Variants in ADNP2 observed in about 807,000 individuals in gnomAD.
ADNP2 encodes the protein ADNP homeobox 2.
A neutral mutation model predicts 16.4 loss-of-function variants in ADNP2; 8 were observed. The ratio of observed to expected loss-of-function variants is 0.49; its 90% CI spans 0.29 to 0.88. The LOEUF is 0.88. ADNP2 is among the 40% of genes least tolerant of loss of function. ADNP2 has a pLI of 0.09. For missense variants in ADNP2, 1,397 were observed against 1,395.1 expected, an observed-to-expected ratio of 1.00 and a Z score of -0.02; for synonymous variants, 637 against 545.8, an observed-to-expected ratio of 1.17 and a Z score of -2.33.
chr18:80,128,587 C>T (rs938178103), intron 2 of ADNP2, among the ~76,000 whole-genome samples: 2 of 152,094 alleles, frequency 1.3e-5, no homozygotes, highest in African/African-American at 2.4e-5. Context: ...GAGGTGGAGG[C>T]GGCAGTGAGC....
At position 80,135,807 on chromosome 18, in the gene ADNP2, C is replaced by T. The variant is rs771842203; in HGVS notation, c.394C>T (p.Arg132Trp). ...CTTCAGAATGTTCCATGCACCTGTC[C>T]GGAAAGTCCAGAACTACACAGTGAA... ...RHFRMFHAPV[R>W]KVQNYTVNIL... Residue 132 changes from arginine to tryptophan, a missense_variant, in exon 4 of 4, where the codon CGG (arginine) becomes TGG (tryptophan). By Grantham distance (101) the Arg-to-Trp change is moderately radical. Transcript: ENST00000262198. The T allele has an allele frequency of 1.9e-5, 30 of 1,613,976 alleles. No homozygotes were observed. The highest frequency in any genetic ancestry group is 7.7e-5 in the South Asian group (7 of 91,074).
chr18:80,136,151 G>C lies in ADNP2; in HGVS notation c.738G>C (p.Lys246Asn). The C allele has an allele frequency of 1.2e-6, 2 of 1,614,230 alleles. No individual in the cohort carries two copies. Among genetic ancestry groups the C allele is most frequent in the Non-Finnish European group, 1.7e-6 (2 of 1,180,030 alleles). ...TSDIHRDLEN[K>N]LRSVISEHIK... is the part of the protein sequence containing the mutation. The stretch of plus-strand genomic sequence containing the variant: ...ACATACACAGAGATTTGGAGAATAA[G>C]CTTAGATCTGTGATTTCAGAACATA... The change falls in exon 4 of 4, where the codon AAG becomes AAC. Residue 246 changes from lysine (K) to asparagine (N), a missense_variant. By Grantham distance (94) the Lys-to-Asn change is moderately conservative. This residue lies in a region of ADNP2 where 777 missense variants were observed against 719.4 expected (regional missense o/e 1.08). Coordinates refer to ENST00000262198, the MANE Select transcript of ADNP2 (RefSeq NM_014913.4).
At chr18:80,129,211 C>G (rs1015278907) in intron 2 of ADNP2, among the ~76,000 whole-genome samples, 2 of 148,582 alleles carry the variant, frequency 1.3e-5, no homozygotes, top group African/African-American at 5.0e-5. Flanking sequence ...TCAAGCAATT[C>G]TCCTGCCTCA....
Position 80,137,819 on chromosome 18 carries a change from TTA to T in ADNP2, c.2409_2410del (p.Tyr803Ter). ...TGGGGAAGAAGAAGTTGCCTATGGA[TTA>T]TAGCAACAGAGGTTTTCAATTAGAT... The part of the protein sequence containing the change: ...HLGKKKLPMD[Y>X]SNRGFQLDVD... On this transcript the variant is annotated frameshift_variant, in exon 4 of 4. Transcript: ENST00000262198. LOFTEE classifies it low-confidence loss of function (END_TRUNC). This position sits in a 1 kb window ranked among gnomAD's most constrained non-coding sequence, Gnocchi z 4.2. 1 of 1,614,128 alleles carries T rather than the reference TTA, an allele frequency of 6.2e-7. No homozygotes were observed. Among genetic ancestry groups the T allele is most frequent in the Non-Finnish European group, 8.5e-7 (1 of 1,180,030 alleles).
At chr18:80,134,418 T>TGTGTGA (rs143942110) in intron 3 of ADNP2, among the ~76,000 whole-genome samples, 20,711 of 135,988 alleles carry the variant, frequency 0.15, 1,984 homozygotes, top group Non-Finnish European at 0.23. Context: ...TGTGTGTGTG[T>TGTGTGA]GAGAGAGAGT....
chr18:80,133,690 AGTT>A (rs755592327), intron 3 of ADNP2: 33 of 162,154 alleles, frequency 2.0e-4, no homozygotes, highest in Admixed American at 4.4e-4. Context: ...TTCTGCCACC[AGTT>A]GTTAGCACCT....
chr18:80,136,787 CCAGATGACTCCTGCAGGG>C lies in ADNP2; in HGVS notation c.1375_1392del (p.Gln459_Gly464del), dbSNP rs2052539603. 1.2e-6 allele frequency: 2 copies of C among 1,602,962 alleles called. No homozygotes were observed. The highest frequency in any genetic ancestry group is 1.3e-5 in the African/African-American group (1 of 74,664). On this transcript the variant is annotated inframe_deletion, in exon 4 of 4. Transcript: ENST00000262198. ...CTGCAGGCCAGATGACTCCTGCAGG[CCAGATGACTCCTGCAGGG>C]GTTATCCCTGGGCAAACAGCAACTT...
chr18:80,114,557 C>T (rs916628840), intron 1 of ADNP2, among the ~76,000 whole-genome samples: 2 of 152,132 alleles, frequency 1.3e-5, no homozygotes, highest in African/African-American at 4.8e-5. Context: ...ATACTACAAA[C>T]AAGAACATTC....
chr18:80,117,733 A>T, intron 2 of ADNP2, 83 bp downstream of exon 2: 2 of 1,027,962 alleles, frequency 1.9e-6, no homozygotes, highest in South Asian at 3.0e-5. Context: ...ATTCCTCAAA[A>T]TGGAAATTGC....
At position 80,137,797 on chromosome 18, in the gene ADNP2, G is replaced by A. The variant is rs943403658; in HGVS notation, c.2384G>A (p.Gly795Glu). The change falls in exon 4 of 4, where the codon GGG becomes GAG. Residue 795 changes from glycine (G) to glutamate (E), a missense_variant. By Grantham distance (98) the Gly-to-Glu change is moderately conservative. Around this residue, in one of 3 missense-constraint regions of ADNP2, gnomAD observed 611 missense variants for 648.7 expected, o/e 0.94. Transcript: ENST00000262198. The surrounding 1 kb of genome is among the most constrained non-coding windows in gnomAD (Gnocchi z 4.2). ...GAGCACAGCAGGAATAGGCACCTGGGGAAGAAGAAGTTGCCTATGGATTAT... is the reference window on the plus strand; with the variant it reads ...GAGCACAGCAGGAATAGGCACCTGGAGAAGAAGAAGTTGCCTATGGATTAT... Reference protein sequence around the residue: ...LSEHSRNRHLGKKKLPMDYSN... With the variant: ...LSEHSRNRHLEKKKLPMDYSN... 4 of 1,614,040 alleles carry A rather than the reference G, an allele frequency of 2.5e-6. No individual in the cohort carries two copies. The African/African-American group carries it at 4.0e-5, about 16-fold the overall frequency.
Position 80,137,056 on chromosome 18 carries a change from C to T in ADNP2, c.1643C>T (p.Pro548Leu). ...TCTGGTGTTCTGCAGCTTAGTCAGC[C>T]TGTTGTGTCGGGAGTTCTTCCTGTG... ...VNSGVLQLSQPVVSGVLPVGQ... is the reference protein window; with the variant it reads ...VNSGVLQLSQLVVSGVLPVGQ... The change falls in exon 4 of 4, where the codon CCT (proline) becomes CTT (leucine). Residue 548 changes from proline (P) to leucine (L), a missense_variant. Physicochemically the swap from Pro to Leu is moderately conservative, Grantham distance 98. Transcript: ENST00000262198. The surrounding 1 kb of genome is among the most constrained non-coding windows in gnomAD (Gnocchi z 4.2). 1.9e-6 allele frequency: 3 copies of T among 1,614,098 alleles called. No individual in the cohort carries two copies. Among genetic ancestry groups the T allele is most frequent in the East Asian group, 2.2e-5 (1 of 44,860 alleles).
At chr18:80,123,875 G>A (rs906429380) in intron 2 of ADNP2, among the ~76,000 whole-genome samples, 6 of 151,836 alleles carry the variant, frequency 4.0e-5, no homozygotes, top group Non-Finnish European at 5.9e-5. Flanking sequence ...GATTACAGGC[G>A]TGCATCACCA....
chr18:80,138,816 C>CAAA lies in ADNP2; in HGVS notation c.*19_*21dup, dbSNP rs11411000. 413 of 1,224,098 alleles carry CAAA rather than the reference C, an allele frequency of 3.4e-4. No individual in the cohort carries two copies. Among genetic ancestry groups the CAAA allele is most frequent in the African/African-American group, 8.1e-4 (51 of 63,154 alleles). The allele number at this position is 1,224,098 out of a possible 1,614,324, so 75.8% of individuals were successfully genotyped here. On this transcript the variant is annotated 3_prime_UTR_variant, in exon 4 of 4. Transcript: ENST00000262198. ...CTTTGAATATGAACCATAAAACTTGCAAAAAAAAAAAAAAGTAACTCTAAA... is the reference window on the plus strand; with the variant it reads ...CTTTGAATATGAACCATAAAACTTGCAAAAAAAAAAAAAAAAAGTAACTCTAAA...
chr18:80,119,388 G>A (rs986027744), intron 2 of ADNP2, among the ~76,000 whole-genome samples: 1 of 148,816 alleles, frequency 6.7e-6, no homozygotes, highest in South Asian at 2.2e-4. Flanking sequence ...TTCCAGCCTG[G>A]GTGACAGAGT....
intron 2 of ADNP2, among the ~76,000 whole-genome samples, chr18:80,130,155 TACA>T (rs2052486895): frequency 6.6e-6 from 1 of 152,226 alleles, no homozygotes. Context: ...GCTCAAATGT[TACA>T]ACATCCAGGT....
Position 80,111,831 on chromosome 18 carries a change from C to T in ADNP2, c.-14+2359C>T, listed in dbSNP as rs527328169. ...AAGTGCTGGGATTACAGGTGTGAGC[C>T]GTTGCACCCGGCCAACATTTTCTTT... is the stretch of plus-strand genomic sequence containing the variant. On this transcript the variant is annotated intron_variant, in intron 1 of 3. Coordinates refer to ENST00000262198, the MANE Select transcript of ADNP2 (RefSeq NM_014913.4). Among the ~76,000 whole-genome samples, 3 of 152,074 alleles carry T rather than the reference C, an allele frequency of 2.0e-5. No homozygotes were observed. The East Asian group carries it at 5.8e-4, about 29-fold the overall frequency.
chr18:80,110,212 C>G (rs969973557), intron 1 of ADNP2, among the ~76,000 whole-genome samples: 1 of 152,168 alleles, frequency 6.6e-6, no homozygotes, highest in Non-Finnish European at 1.5e-5. Flanking sequence ...GAAATAGATT[C>G]CGTTTACAAA....
chr18:80,134,225 T>C (rs563235585), intron 3 of ADNP2, among the ~76,000 whole-genome samples: 14 of 152,186 alleles, frequency 9.2e-5, no homozygotes, highest in African/African-American at 2.2e-4. Context: ...ATTCTTAAAA[T>C]ATCTCGTAAT....
At chr18:80,126,746 G>A (rs2052461444) in intron 2 of ADNP2, among the ~76,000 whole-genome samples, 1 of 152,108 alleles carries the variant, frequency 6.6e-6, no homozygotes, top group South Asian at 2.1e-4. Flanking sequence ...GTTCTCATCA[G>A]ATTTGGAAAA....
Sources: gnomAD v4.1 joint callset for allele counts (sites outside exome capture counted in the v4.1 genomes callset) on GRCh38, gnomAD v4.1.1 for gene constraint, gnomAD v4.1.1 regional missense constraint, Gnocchi (gnomAD v3.1) non-coding constraint, MANE v1.5 for transcripts, NCBI Gene and HGNC (gene_info 2026-07-23, HGNC 2026-07-21) for gene names.